The following TENT4A variants were observed in gnomAD, a reference collection of about 807,000 sequenced individuals.
The protein encoded by TENT4A is DNA polymerase kappa.
In TENT4A, 7 loss-of-function variants were observed where a neutral mutation model predicts 72.8. The ratio of observed to expected loss-of-function variants is 0.10; its 90% CI spans 0.05 to 0.18. TENT4A has a LOEUF of 0.18. TENT4A is among the 10% of genes least tolerant of loss of function. The pLI is 1.00. For missense variants in TENT4A, 831 were observed against 1,017.7 expected, an observed-to-expected ratio of 0.82 and a Z score of 2.50; for synonymous variants, 456 against 434.3, an observed-to-expected ratio of 1.05 and a Z score of -0.62.
rs1579499631 is a variant in TENT4A, at chr5:6,750,790, T to C, written c.1861-249T>C. Reference sequence around the variant, plus strand: ...CCTTGAGTAGTTTTTAAAAATTTATTTGAAGATTAAAAAAAAAATTAAATC... The same window carrying C: ...CCTTGAGTAGTTTTTAAAAATTTATCTGAAGATTAAAAAAAAAATTAAATC... On this transcript the variant is annotated intron_variant, in intron 10 of 12. Coordinates refer to ENST00000230859, the MANE Select transcript of TENT4A (RefSeq NM_006999.6). 4 of 544,132 alleles carry C rather than the reference T, an allele frequency of 7.4e-6. No homozygotes were observed. The East Asian group carries it at 1.2e-4, about 16-fold the overall frequency. The allele number at this position is 544,132 out of a possible 1,614,324, so 33.7% of individuals were successfully genotyped here. A position where few individuals can be genotyped will look rare whatever the true frequency, so the allele number is the denominator to read the frequency against.
chr5:6,716,567 C>T lies in TENT4A; in HGVS notation c.716+1868C>T, dbSNP rs942382612. ...TCCTTTCCCATCACAGGTAATGGGG[C>T]AATCTTCTCTGCCAGCAGGTCTGGT... On this transcript the variant is annotated intron_variant, in intron 1 of 12. Coordinates refer to ENST00000230859, the MANE Select transcript of TENT4A (RefSeq NM_006999.6). Among the ~76,000 whole-genome samples the T allele has an allele frequency of 3.3e-5, 5 of 152,192 alleles. No individual in the cohort carries two copies. The East Asian group carries it at 7.7e-4, about 23-fold the overall frequency.
At chr5:6,743,611 A>G (rs1741939281) in intron 5 of TENT4A, 101 bp from the exon 6 acceptor site, 2 of 942,528 alleles carry the variant, frequency 2.1e-6, no homozygotes, top group Non-Finnish European at 3.2e-6. Context: ...GGGCAAGAGG[A>G]TCGAGGAAAC....
chr5:6,743,183 C>T (rs1042643039), intron 5 of TENT4A, among the ~76,000 whole-genome samples: 3 of 152,140 alleles, frequency 2.0e-5, no homozygotes, highest in African/African-American at 7.2e-5. Context: ...GCAATCTGGT[C>T]CCATCTTGTT....
rs183985989 is a variant in TENT4A at position 6,722,895 on chromosome 5, A to G, written c.716+8196A>G. On this transcript the variant is annotated intron_variant, in intron 1 of 12. Transcript: ENST00000230859. ...GGAGATGGAATAATTCTATTTTTGC[A>G]CTAATACAGTAGCCACTGGCCATAT... is the stretch of plus-strand genomic sequence containing the variant. Among the ~76,000 whole-genome samples, 1,002 of 152,358 alleles carry G rather than the reference A, an allele frequency of 6.6e-3. 3 individuals carry two copies. Among genetic ancestry groups the G allele is most frequent in the Non-Finnish European group, 8.4e-3 (569 of 68,034 alleles).
intron 1 of TENT4A, among the ~76,000 whole-genome samples, chr5:6,726,601 TG>T (rs1166521638): frequency 6.6e-6 from 1 of 152,136 alleles, no homozygotes; most frequent in Non-Finnish European, 1.5e-5. Flanking sequence ...GTGTGTTGAA[TG>T]GTCAGGGTCC....
Position 6,753,975 on chromosome 5 carries a change from G to A in TENT4A, c.2185-776G>A, listed in dbSNP as rs192641875. The stretch of plus-strand genomic sequence containing the variant: ...GCTCTGAGACTTTCCTGAAGCCGGC[G>A]TGTGTTCCCTCTCAGTCTGCTTGGC... On this transcript the variant is annotated intron_variant, in intron 12 of 12. Coordinates refer to ENST00000230859, the MANE Select transcript of TENT4A (RefSeq NM_006999.6). 2.2e-3 allele frequency among the ~76,000 whole-genome samples: 340 copies of A among 152,296 alleles called. 3 individuals carry two copies. Among genetic ancestry groups the A allele is most frequent in the African/African-American group, 7.6e-3 (314 of 41,558 alleles).
At position 6,750,471 on chromosome 5, in the gene TENT4A, T is replaced by C; in HGVS notation, c.1828T>C (p.Ser610Pro). The C allele has an allele frequency of 6.2e-7, 1 of 1,604,390 alleles. No individual in the cohort carries two copies. The highest frequency in any genetic ancestry group is 8.5e-7 in the Non-Finnish European group (1 of 1,175,876). ...PQLLSSGSSA[S>P]SVSSLSGSDV... is the part of the protein sequence containing the mutation. ...GCTCCTGTCTTCAGGCTCCTCGGCC[T>C]CTTCTGTGTCTTCACTTTCTGGGAG... Residue 610 changes from serine (S) to proline (P), a missense_variant, in exon 10 of 13, where the codon TCT becomes CCT. Coordinates refer to ENST00000230859, the MANE Select transcript of TENT4A (RefSeq NM_006999.6).
intron 4 of TENT4A, among the ~76,000 whole-genome samples, chr5:6,740,797 G>A (rs1741759724): frequency 6.6e-6 from 1 of 152,190 alleles, no homozygotes; most frequent in African/African-American, 2.4e-5. Context: ...GGGGCTGTTG[G>A]CTCTTCTCAT....
At chr5:6,725,328 GA>G (rs991205893) in intron 1 of TENT4A, among the ~76,000 whole-genome samples, 56 of 148,138 alleles carry the variant, frequency 3.8e-4, no homozygotes, top group African/African-American at 1.2e-3. Flanking sequence ...CTCAAAAAAA[GA>G]AAAAAAAAAG....
At chr5:6,738,884 G>T (rs144072261) in intron 3 of TENT4A, among the ~76,000 whole-genome samples, 155 bp downstream of exon 3, 1 of 152,334 alleles carries the variant, frequency 6.6e-6, no homozygotes, top group East Asian at 1.9e-4. Context: ...TTGGCAGAAA[G>T]ATTTAATTTA....
Position 6,754,972 on chromosome 5 carries a change from C to G in TENT4A, c.*27C>G, listed in dbSNP as rs372015045. 1.1e-4 allele frequency: 170 copies of G among 1,546,250 alleles called. No individual in the cohort carries two copies. Among genetic ancestry groups the G allele is most frequent in the Non-Finnish European group, 1.4e-4 (163 of 1,137,398 alleles). On this transcript the variant is annotated 3_prime_UTR_variant, in exon 13 of 13. Transcript: ENST00000230859. ...GGCTCCTGGCTGCGTCAGCCTCCCC[C>G]ACCCCTCTGCAGACTGCCCCGCGGC...
intron 12 of TENT4A, among the ~76,000 whole-genome samples, chr5:6,754,089 A>G (rs1742561811): frequency 6.6e-6 from 1 of 152,188 alleles, no homozygotes; most frequent in South Asian, 2.1e-4. Flanking sequence ...TGAGGGCGAG[A>G]GCGCCAGGTC....
chr5:6,753,621 C>T (rs1246557462), intron 12 of TENT4A, among the ~76,000 whole-genome samples: 1 of 152,206 alleles, frequency 6.6e-6, no homozygotes, highest in African/African-American at 2.4e-5. Context: ...TTGGGAGAGC[C>T]ATGGCGAGGA....
chr5:6,724,274 A>G (rs1362214311), intron 1 of TENT4A, among the ~76,000 whole-genome samples: 2 of 152,248 alleles, frequency 1.3e-5, no homozygotes, highest in Non-Finnish European at 2.9e-5. Context: ...GTGAATGGGC[A>G]GAGATGGGCC....
At chr5:6,724,357 A>G (rs970596211) in intron 1 of TENT4A, among the ~76,000 whole-genome samples, 2 of 152,248 alleles carry the variant, frequency 1.3e-5, no homozygotes, top group African/African-American at 4.8e-5. Flanking sequence ...ATTATTAAAA[A>G]ATGGAAGGAC....
At position 6,750,490 on chromosome 5, in the gene TENT4A, C is replaced by G; in HGVS notation, c.1847C>G (p.Ser616Cys). ...GSSASSVSSL[S>C]GSDVDSDTPP... Reference sequence around the variant, plus strand: ...TCGGCCTCTTCTGTGTCTTCACTTTCTGGGAGTGACGTTGTAAGTGCCCTC... The same window carrying G: ...TCGGCCTCTTCTGTGTCTTCACTTTGTGGGAGTGACGTTGTAAGTGCCCTC... The change falls in exon 10 of 13, where the codon TCT becomes TGT. Residue 616 changes from serine to cysteine, a missense_variant. Transcript: ENST00000230859. 1 of 1,597,440 alleles carries G rather than the reference C, an allele frequency of 6.3e-7. No individual in the cohort carries two copies. Among genetic ancestry groups the G allele is most frequent in the Non-Finnish European group, 8.5e-7 (1 of 1,173,076 alleles).
At position 6,739,869 on chromosome 5, in the gene TENT4A, G is replaced by T. The variant is rs1266289974; in HGVS notation, c.1008+17G>T. ...AAGGCTACGGTGAGTGCCTGGCTTT[G>T]GCCCCTCTGACCGGGCAGGAGCCTT... On this transcript the variant is annotated intron_variant, in intron 4 of 12. Coordinates refer to ENST00000230859, the MANE Select transcript of TENT4A (RefSeq NM_006999.6). The T allele has an allele frequency of 6.2e-7, 1 of 1,610,832 alleles. No homozygotes were observed. The highest frequency in any genetic ancestry group is 1.3e-5 in the African/African-American group (1 of 74,898).
intron 9 of TENT4A, 56 bp from the exon 10 acceptor site, chr5:6,750,275 G>A: frequency 6.8e-7 from 1 of 1,477,800 alleles, no homozygotes; most frequent in Non-Finnish European, 9.1e-7. Context: ...TGCTGCCGGG[G>A]CGGCTCCACG....
chr5:6,750,352 A>G lies in TENT4A; in HGVS notation c.1709A>G (p.Glu570Gly). The G allele has an allele frequency of 6.2e-7, 1 of 1,611,858 alleles. No individual in the cohort carries two copies. The highest frequency in any genetic ancestry group is 8.5e-7 in the Non-Finnish European group (1 of 1,179,048). ...ACAGACAGCAGGATCAAGATCAAAG[A>G]GCGAATAGCCACATGCAATGGGGAG... ...PGMDSRIKIK[E>G]RIATCNGEQT... The change falls in exon 10 of 13, where the codon GAG becomes GGG. Residue 570 changes from glutamate to glycine, a missense_variant. Around this residue, in one of 3 missense-constraint regions of TENT4A, gnomAD observed 332 missense variants for 324.3 expected, o/e 1.02. Coordinates refer to ENST00000230859, the MANE Select transcript of TENT4A (RefSeq NM_006999.6).
Sources: gnomAD v4.1 joint callset for allele counts (sites outside exome capture counted in the v4.1 genomes callset) on GRCh38, gnomAD v4.1.1 for gene constraint, gnomAD v4.1.1 regional missense constraint, MANE v1.5 for transcripts, NCBI Gene and HGNC (gene_info 2026-07-23, HGNC 2026-07-21) for gene names.